PLPP4: variants seen among roughly 807,000 people sequenced by gnomAD.
PLPP4 encodes the protein phospholipid phosphatase 4, also known as diacylglycerol pyrophosphate like 2.
In PLPP4, 20 loss-of-function variants were observed where a neutral mutation model predicts 32.2. That is an observed-to-expected ratio of 0.62 (90% confidence interval 0.44 to 0.90). The LOEUF (loss-of-function observed/expected upper bound fraction) is 0.90, where lower values mean the gene tolerates loss of function less well. Ranked by LOEUF, PLPP4 falls within the 40% of genes least tolerant of loss-of-function variation. The probability of loss-of-function intolerance (pLI) is 0.00; values close to 1 mark genes in which losing one functional copy is unlikely to be tolerated. For missense variants in PLPP4, 257 were observed against 353.1 expected (o/e 0.73, Z 2.18); for synonymous variants, 127 against 133.0 (o/e 0.95, Z 0.31).
chr10:120,487,065 A>G (rs930487321), intron 1 of PLPP4, among the ~76,000 whole-genome samples: 1 of 152,268 alleles, frequency 6.6e-6, no homozygotes, highest in African/African-American at 2.4e-5. Context: ...ATGATAGTGG[A>G]TAAACTAAAC....
At chr10:120,484,461 C>G (rs1393284704) in intron 1 of PLPP4, among the ~76,000 whole-genome samples, 7 of 152,142 alleles carry the variant, frequency 4.6e-5, no homozygotes, top group Admixed American at 3.3e-4. Flanking sequence ...TGCACCATCC[C>G]ATGGCAGAAG....
chr10:120,533,019 G>C (rs1407153498), intron 5 of PLPP4, among the ~76,000 whole-genome samples: 1 of 152,038 alleles, frequency 6.6e-6, no homozygotes, highest in African/African-American at 2.4e-5. Flanking sequence ...TGTGGTTTTT[G>C]CCACTGAAGG....
At chr10:120,567,206 GC>G (rs1848732018) in intron 5 of PLPP4, among the ~76,000 whole-genome samples, 1 of 152,202 alleles carries the variant, frequency 6.6e-6, no homozygotes, top group Admixed American at 6.5e-5. Context: ...AGAAATAGAA[GC>G]CCTAGGTTTG....
rs1044607913 is a variant in PLPP4 at position 120,591,830 on chromosome 10, T to A, written c.*2328T>A. Among the ~76,000 whole-genome samples the A allele has an allele frequency of 1.3e-5, 2 of 152,296 alleles. No individual in the cohort carries two copies. Among genetic ancestry groups the A allele is most frequent in the African/African-American group, 4.8e-5 (2 of 41,562 alleles). On this transcript the variant is annotated 3_prime_UTR_variant, in exon 7 of 7. Transcript: ENST00000398250. The stretch of plus-strand genomic sequence containing the variant: ...ACAGAGTATTACTAATGCTGATAAT[T>A]ACATGGAAAATCCTAATACTGGCCA...
intron 1 of PLPP4, among the ~76,000 whole-genome samples, chr10:120,469,376 C>T (rs1276325376): frequency 1.3e-5 from 2 of 152,040 alleles, no homozygotes; most frequent in South Asian, 4.2e-4. Context: ...TACAGGCGCC[C>T]GCCACCATGC....
chr10:120,554,342 C>T (rs962058199), intron 5 of PLPP4, among the ~76,000 whole-genome samples: 2 of 152,132 alleles, frequency 1.3e-5, no homozygotes, highest in Non-Finnish European at 2.9e-5. Context: ...CGTCTGAGAC[C>T]ACCTCAGCCT....
intron 1 of PLPP4, among the ~76,000 whole-genome samples, chr10:120,477,542 A>G (rs144381980): frequency 2.1e-4 from 32 of 152,306 alleles, no homozygotes; most frequent in African/African-American, 7.5e-4. Flanking sequence ...ATGGGAAATC[A>G]GAAAGCAGCT....
chr10:120,529,382 T>C (rs770866727), intron 5 of PLPP4, among the ~76,000 whole-genome samples: 2 of 152,156 alleles, frequency 1.3e-5, no homozygotes, highest in Non-Finnish European at 2.9e-5. Flanking sequence ...ATGGAAGAAA[T>C]TGATCACTGT....
chr10:120,482,425 C>G (rs1305886511), intron 1 of PLPP4, among the ~76,000 whole-genome samples: 1 of 152,042 alleles, frequency 6.6e-6, no homozygotes, highest in Non-Finnish European at 1.5e-5. Context: ...GGCATTTTGC[C>G]CCTGCCCTAG....
intron 5 of PLPP4, among the ~76,000 whole-genome samples, chr10:120,526,601 A>G (rs554774677): frequency 6.6e-6 from 1 of 152,252 alleles, no homozygotes; most frequent in African/African-American, 2.4e-5. Flanking sequence ...AGTCTTTCAC[A>G]TCATCTCCCT....
intron 5 of PLPP4, among the ~76,000 whole-genome samples, chr10:120,556,776 C>A (rs1024841278): frequency 2.6e-5 from 4 of 152,110 alleles, no homozygotes; most frequent in Non-Finnish European, 5.9e-5. Flanking sequence ...GGTCACACAG[C>A]AAGTAGTGAA....
chr10:120,589,816 G>A lies in PLPP4; in HGVS notation c.*314G>A, dbSNP rs1849938858. 1 of 288,898 alleles carries A rather than the reference G, an allele frequency of 3.5e-6. No homozygotes were observed. Among genetic ancestry groups the A allele is most frequent in the Non-Finnish European group, 6.5e-6 (1 of 154,394 alleles). 17.9% of individuals were successfully genotyped at this position (288,898 alleles called of 1,614,324 possible). ...ACAGCCACCTTCCTATGTTTTCATG[G>A]TTGTAAAACATAATAAAACCTCCCA... On this transcript the variant is annotated 3_prime_UTR_variant, in exon 7 of 7. Transcript: ENST00000398250.
At position 120,514,000 on chromosome 10, in the gene PLPP4, A is replaced by G; in HGVS notation, c.255A>G (p.Leu85=). The stretch of plus-strand genomic sequence containing the variant: ...AGACTGAAATTAAGGAAGCCTTCTT[A>G]GGTAGAGTATTCACAGTTCCTGCTT... The part of the protein sequence containing the change: ...TDKTEIKEAF[L]AVSLALALNG... The change falls in exon 3 of 7, where the codon TTA becomes TTG. Residue 85 remains leucine, a splice_region_variant and synonymous_variant. Transcript: ENST00000398250. The G allele has an allele frequency of 6.2e-7, 1 of 1,607,682 alleles. No homozygotes were observed. Among genetic ancestry groups the G allele is most frequent in the Non-Finnish European group, 8.5e-7 (1 of 1,174,110 alleles).
At chr10:120,569,947 A>AT (rs563011551) in intron 5 of PLPP4, among the ~76,000 whole-genome samples, 90 of 152,320 alleles carry the variant, frequency 5.9e-4, no homozygotes, top group African/African-American at 2.1e-3. Context: ...AACATCTGTG[A>AT]TTTTTGCTCT....
rs187255555 is a variant in PLPP4, at chr10:120,569,807, G to A, written c.446-5324G>A. Among the ~76,000 whole-genome samples, 432 of 152,266 alleles carry A rather than the reference G, an allele frequency of 2.8e-3. 8 individuals are homozygous for A. Among genetic ancestry groups the A allele is most frequent in the African/African-American group, 8.6e-3 (359 of 41,560 alleles). ...TATTTTCATTTGGGCATTACATATCGGGTGCCTCCTATTGTCAGGCAGTGT... is the reference window on the plus strand; with the variant it reads ...TATTTTCATTTGGGCATTACATATCAGGTGCCTCCTATTGTCAGGCAGTGT... On this transcript the variant is annotated intron_variant, in intron 5 of 6. Transcript: ENST00000398250.
At chr10:120,467,500 C>G (rs138753552) in intron 1 of PLPP4, among the ~76,000 whole-genome samples, 2,288 of 64,530 alleles carry the variant, frequency 0.035, 998 homozygotes, top group South Asian at 0.12. Context: ...CAATGCCTAC[C>G]ATGTGCCACC....
chr10:120,579,034 C>T (rs188965550), intron 6 of PLPP4, among the ~76,000 whole-genome samples: 74 of 152,280 alleles, frequency 4.9e-4, no homozygotes, highest in Non-Finnish European at 1.0e-3. Flanking sequence ...CCTCTATTCA[C>T]GCTCTTATGT....
intron 5 of PLPP4, among the ~76,000 whole-genome samples, chr10:120,571,391 G>A (rs561565417): frequency 2.6e-5 from 4 of 152,126 alleles, no homozygotes; most frequent in Admixed American, 6.6e-5. Context: ...CTTAAAGGGA[G>A]GATGGAGGTA....
chr10:120,513,764 C>CT (rs5788426), intron 2 of PLPP4, 147 bp from the exon 3 acceptor site: 126 of 650,716 alleles, frequency 1.9e-4, no homozygotes, highest in African/African-American at 3.2e-4. Context: ...ATACATCATC[C>CT]TTTTTTTTTT....
Sources: allele counts gnomAD v4.1 joint callset (sites outside exome capture counted in the v4.1 genomes callset), GRCh38; gene constraint gnomAD v4.1.1; transcripts MANE v1.5; gene names NCBI Gene and HGNC (gene_info 2026-07-23, HGNC 2026-07-21).